Variants in SGCD observed in about 807,000 individuals in gnomAD.
The protein encoded by SGCD is delta-sarcoglycan.
Under a neutral mutation model 36.6 loss-of-function variants are expected in SGCD, and 18 were observed. The ratio of observed to expected loss-of-function variants is 0.49; its 90% confidence interval spans 0.34 to 0.73. The LOEUF is 0.73. Among genes scored for constraint, SGCD ranks in the 30% least tolerant of loss-of-function variants. The probability of loss-of-function intolerance (pLI) is 0.01; values close to 1 mark genes in which losing one functional copy is unlikely to be tolerated. For missense variants in SGCD, 387 were observed against 346.7 expected, an observed-to-expected ratio of 1.12 and a Z score of -0.92; for synonymous variants, 133 against 130.6, an observed-to-expected ratio of 1.02 and a Z score of -0.12.
chr5:156,564,578 C>T (rs969372232), intron 4 of SGCD, among the ~76,000 whole-genome samples: 1 of 152,048 alleles, frequency 6.6e-6, no homozygotes, highest in Admixed American at 6.5e-5. Context: ...TCAATGTCAC[C>T]ATCATCTCTC....
intron 1 of SGCD, among the ~76,000 whole-genome samples, chr5:156,054,754 TTTTG>T (rs1200495937): frequency 6.8e-6 from 1 of 146,814 alleles, no homozygotes; most frequent in Non-Finnish European, 1.5e-5. Flanking sequence ...GAAGTAGCAT[TTTTG>T]TTTGTCAGGC....
rs78233697 is a variant in SGCD at position 156,566,293 on chromosome 5, C to T, written c.295-22938C>T. ...ATGTCTACCAAAATAAAGATATTGC[C>T]GGCATTTATTTAACTTCTGAAAGTT... On this transcript the variant is annotated intron_variant, in intron 4 of 8. Transcript: ENST00000337851. 2.0e-3 allele frequency among the ~76,000 whole-genome samples: 304 copies of T among 152,114 alleles called. 2 individuals carry two copies. Among genetic ancestry groups the T allele is most frequent in the Middle Eastern group, 0.01 (3 of 294 alleles).
intron 1 of SGCD, among the ~76,000 whole-genome samples, chr5:156,058,099 A>T (rs1760107055): frequency 6.8e-6 from 1 of 146,020 alleles, no homozygotes; most frequent in South Asian, 2.1e-4. Flanking sequence ...GGTGAACCAA[A>T]TTATATGGGC....
intron 1 of SGCD, among the ~76,000 whole-genome samples, chr5:155,983,382 C>T (rs956908216): frequency 2.6e-5 from 4 of 152,184 alleles, no homozygotes; most frequent in Non-Finnish European, 5.9e-5. Flanking sequence ...TCACTGCAAC[C>T]TCCACCTCCC....
At chr5:156,743,870 G>A (rs1325435986) in intron 7 of SGCD, among the ~76,000 whole-genome samples, 1 of 152,154 alleles carries the variant, frequency 6.6e-6, no homozygotes, top group Non-Finnish European at 1.5e-5. Flanking sequence ...ACCCTTATTT[G>A]ACTTAAAAGT....
intron 1 of SGCD, among the ~76,000 whole-genome samples, chr5:156,081,917 C>T (rs1036716316): frequency 3.9e-5 from 6 of 151,958 alleles, no homozygotes; most frequent in South Asian, 2.1e-4. Flanking sequence ...CTTCTTCTTA[C>T]GGGAAAGGGG....
In SGCD at chr5:155,939,840, T is replaced by C. The variant is rs1349648888; in HGVS notation, c.-282+69416T>C. On this transcript the variant is annotated intron_variant, in intron 1 of 9. Transcript: ENST00000517913. ...AGTCTGCTCATATCCAAATGTCTCTTTTTTTTTTTTTTTGACGGAGTCTCG... is the reference window on the plus strand; with the variant it reads ...AGTCTGCTCATATCCAAATGTCTCTCTTTTTTTTTTTTTGACGGAGTCTCG... Among the ~76,000 whole-genome samples the C allele has an allele frequency of 3.8e-5, 4 of 105,008 alleles. 1 individual carries two copies. Among genetic ancestry groups the C allele is most frequent in the African/African-American group, 5.8e-5 (2 of 34,304 alleles). The allele number at this position is 105,008 out of a possible 152,430, so 68.9% of individuals were successfully genotyped here.
the SGCD span, among the ~76,000 whole-genome samples, chr5:155,799,811 C>T: frequency 0.76 from 70,969 of 92,958 alleles, 28,854 homozygotes; most frequent in East Asian, 0.92. Context: ...TTCCTATTCC[C>T]CTTTTTTTTT....
intron 1 of SGCD, among the ~76,000 whole-genome samples, chr5:155,911,850 G>A (rs1487821711): frequency 1.3e-5 from 2 of 151,988 alleles, no homozygotes; most frequent in Non-Finnish European, 2.9e-5. Flanking sequence ...TATATACCTG[G>A]TCCATTGTAC....
intron 3 of SGCD, among the ~76,000 whole-genome samples, chr5:156,275,853 A>C (rs1362544074): frequency 6.6e-6 from 1 of 152,208 alleles, no homozygotes; most frequent in East Asian, 1.9e-4. Flanking sequence ...GGACCCTCAC[A>C]ACATAAAGTT....
chr5:155,759,075 C>T, the SGCD span, among the ~76,000 whole-genome samples: 1 of 151,938 alleles, frequency 6.6e-6, no homozygotes, highest in South Asian at 2.1e-4. Flanking sequence ...CTTCTAGGCT[C>T]AAGTGATCCT....
chr5:156,621,103 G>T (rs1762227465), intron 6 of SGCD, among the ~76,000 whole-genome samples: 1 of 152,146 alleles, frequency 6.6e-6, no homozygotes, highest in Admixed American at 6.5e-5. Flanking sequence ...AATACTAATT[G>T]AGTTTTTACT....
chr5:156,193,321 C>G (rs1763939689), intron 3 of SGCD, among the ~76,000 whole-genome samples: 1 of 152,136 alleles, frequency 6.6e-6, no homozygotes, highest in Non-Finnish European at 1.5e-5. Context: ...CCTGCTTGCC[C>G]TGTGGTGTAG....
chr5:155,766,151 G>A, the SGCD span, among the ~76,000 whole-genome samples: 5 of 152,116 alleles, frequency 3.3e-5, no homozygotes, highest in African/African-American at 1.2e-4. Context: ...AGCCATAACT[G>A]TTATCATGAG....
intron 2 of SGCD, among the ~76,000 whole-genome samples, chr5:156,332,204 G>A (rs1203268405): frequency 6.6e-6 from 1 of 152,230 alleles, no homozygotes; most frequent in African/African-American, 2.4e-5. Context: ...GATACAAACA[G>A]CAGGTCATAA....
chr5:156,629,166 T>C (rs1002531857), intron 6 of SGCD, among the ~76,000 whole-genome samples: 1 of 152,234 alleles, frequency 6.6e-6, no homozygotes, highest in Non-Finnish European at 1.5e-5. Flanking sequence ...GAGTAAATCA[T>C]TGTTCTTGTT....
rs1028619868 is a variant in SGCD, at chr5:156,050,486, C to T, written c.-281-67392C>T. ...GAAACCAAAAAATTCTTATGACTCACCTTATTGTGATATTTGCTTTATTCA... is the reference window on the plus strand; with the variant it reads ...GAAACCAAAAAATTCTTATGACTCATCTTATTGTGATATTTGCTTTATTCA... On this transcript the variant is annotated intron_variant, in intron 1 of 9. Transcript: ENST00000517913. Among the ~76,000 whole-genome samples the T allele has an allele frequency of 2.0e-5, 3 of 146,648 alleles. 1 individual carries two copies. Among genetic ancestry groups the T allele is most frequent in the Non-Finnish European group, 3.1e-5 (2 of 65,028 alleles).
chr5:155,913,728 A>G (rs2113361905), intron 1 of SGCD, among the ~76,000 whole-genome samples: 1 of 152,318 alleles, frequency 6.6e-6, no homozygotes, highest in Admixed American at 6.5e-5. Context: ...TATTTGAAGT[A>G]GGATTCTTTT....
intron 4 of SGCD, among the ~76,000 whole-genome samples, chr5:156,569,038 A>C (rs1020184472): frequency 6.6e-6 from 1 of 152,158 alleles, no homozygotes; most frequent in African/African-American, 2.4e-5. Context: ...CTGGATCTGA[A>C]CATTGTATTC....
Sources: gnomAD v4.1 joint callset for allele counts (sites outside exome capture counted in the v4.1 genomes callset) on GRCh38, gnomAD v4.1.1 for gene constraint, MANE v1.5 for transcripts, NCBI Gene and HGNC (gene_info 2026-07-23, HGNC 2026-07-21) for gene names.